The following MIPOL1 variants were observed in gnomAD, a reference collection of about 807,000 sequenced individuals.
MIPOL1 encodes mirror-image polydactyly gene 1 protein.
A neutral mutation model predicts 60.9 loss-of-function variants in MIPOL1; 57 were observed. That is an observed-to-expected ratio of 0.94 (90% CI 0.76 to 1.17). The LOEUF is 1.17. Ranked by LOEUF, MIPOL1 falls within the 50% of genes most tolerant of loss-of-function variation. The pLI, the probability that MIPOL1 is intolerant of heterozygous loss-of-function variation, is 0.00. For missense variants in MIPOL1, 551 were observed against 511.6 expected, an observed-to-expected ratio of 1.08 and a Z score of -0.74; for synonymous variants, 179 against 168.8, an observed-to-expected ratio of 1.06 and a Z score of -0.47.
chr14:37,270,477 G>GA lies in MIPOL1; in HGVS notation c.447dup (p.Leu150ThrfsTer9). On this transcript the variant is annotated frameshift_variant, in exon 6 of 13. Coordinates refer to ENST00000684589, the MANE Select transcript of MIPOL1 (RefSeq NM_001388067.1). LOFTEE classifies it high-confidence loss of function. Reference sequence around the variant, plus strand: ...ACAGAGAAAACTAAAGTTTAAGCTGGAACTCCAAGAGAAAGAAACAGAAGC... The same window carrying GA: ...ACAGAGAAAACTAAAGTTTAAGCTGGAAACTCCAAGAGAAAGAAACAGAAGC... The GA allele has an allele frequency of 6.2e-7, 1 of 1,601,454 alleles. No individual in the cohort carries two copies. The highest frequency in any genetic ancestry group is 8.5e-7 in the Non-Finnish European group (1 of 1,173,480).
chr14:37,398,458 A>C (rs1042869693), intron 10 of MIPOL1, among the ~76,000 whole-genome samples: 4 of 152,110 alleles, frequency 2.6e-5, no homozygotes, highest in African/African-American at 9.7e-5. Context: ...TGCTGTGTCC[A>C]TCCGAGTAGG....
chr14:37,336,074 A>G (rs901522026), intron 9 of MIPOL1, among the ~76,000 whole-genome samples: 1 of 143,742 alleles, frequency 7.0e-6, no homozygotes, highest in African/African-American at 2.5e-5. Flanking sequence ...TAATATTTGT[A>G]TATGGTATAA....
intron 10 of MIPOL1, among the ~76,000 whole-genome samples, chr14:37,394,777 C>T (rs1035391868): frequency 2.6e-5 from 4 of 152,050 alleles, no homozygotes; most frequent in African/African-American, 9.7e-5. Flanking sequence ...AATTAAGTCC[C>T]AACTATTTAT....
At chr14:37,479,659 A>G (rs1359857019) in intron 11 of MIPOL1, among the ~76,000 whole-genome samples, 1 of 152,094 alleles carries the variant, frequency 6.6e-6, no homozygotes, top group Non-Finnish European at 1.5e-5. Context: ...CTAAGCCCAA[A>G]ATTAGCAGAA....
At chr14:37,474,980 T>C (rs1417504519) in intron 11 of MIPOL1, among the ~76,000 whole-genome samples, 1 of 152,110 alleles carries the variant, frequency 6.6e-6, no homozygotes, top group Non-Finnish European at 1.5e-5. Flanking sequence ...TTTTTATTTT[T>C]TTTTGAGACA....
intron 3 of MIPOL1, among the ~76,000 whole-genome samples, chr14:37,248,605 A>G (rs1973571836): frequency 1.3e-5 from 2 of 152,008 alleles, no homozygotes; most frequent in Non-Finnish European, 2.9e-5. Flanking sequence ...AGCGAAAGAG[A>G]CAAGATACAG....
chr14:37,490,284 T>C (rs568465144), intron 11 of MIPOL1, among the ~76,000 whole-genome samples: 13 of 152,274 alleles, frequency 8.5e-5, no homozygotes, highest in African/African-American at 2.9e-4. Context: ...GCCTCGGCAA[T>C]GGTGAACCCC....
At chr14:37,356,421 G>A (rs2091831813) in intron 9 of MIPOL1, among the ~76,000 whole-genome samples, 3 of 152,166 alleles carry the variant, frequency 2.0e-5, no homozygotes, top group Admixed American at 2.0e-4. Flanking sequence ...TCCTTGAGCT[G>A]TGGTGGGCTC....
intron 1 of MIPOL1, among the ~76,000 whole-genome samples, chr14:37,233,744 C>A (rs2153322163): frequency 6.6e-6 from 1 of 152,242 alleles, no homozygotes; most frequent in South Asian, 2.1e-4. Context: ...GGGGAGGAGG[C>A]CTCTCTGGTG....
chr14:37,433,234 T>A (rs190805266), intron 11 of MIPOL1, among the ~76,000 whole-genome samples: 1,556 of 152,038 alleles, frequency 0.01, 27 homozygotes, highest in African/African-American at 0.034. Flanking sequence ...TTTTTTTTTT[T>A]AATTATACTT....
intron 12 of MIPOL1, among the ~76,000 whole-genome samples, chr14:37,540,544 G>A (rs1284827868): frequency 1.3e-5 from 2 of 152,098 alleles, no homozygotes; most frequent in Non-Finnish European, 2.9e-5. Context: ...GCTTCTGCAT[G>A]GAGGAATGGG....
chr14:37,500,285 G>T, intron 12 of MIPOL1, 147 bp downstream of exon 12: 1 of 646,650 alleles, frequency 1.5e-6, no homozygotes, highest in Non-Finnish European at 2.6e-6. Flanking sequence ...TTTTAGATTG[G>T]ATACCATATG....
chr14:37,267,375 C>G (rs2082958324), intron 4 of MIPOL1, among the ~76,000 whole-genome samples: 1 of 152,058 alleles, frequency 6.6e-6, no homozygotes, highest in Non-Finnish European at 1.5e-5. Context: ...GTAATCCCAG[C>G]TACTCAGGAG....
chr14:37,336,653 G>A (rs184226778), intron 9 of MIPOL1, among the ~76,000 whole-genome samples: 1 of 151,742 alleles, frequency 6.6e-6, no homozygotes, highest in Non-Finnish European at 1.5e-5. Context: ...GATAATTCCA[G>A]TATCCCTGCC....
intron 9 of MIPOL1, among the ~76,000 whole-genome samples, chr14:37,318,031 C>T (rs6571805): frequency 0.94 from 143,575 of 152,256 alleles, 68,079 homozygotes; most frequent in East Asian, 1. Context: ...CTAGAACTTT[C>T]CTAGCCTGGT....
intron 10 of MIPOL1, among the ~76,000 whole-genome samples, chr14:37,416,277 T>G (rs1350336504): frequency 6.6e-6 from 1 of 152,196 alleles, no homozygotes; most frequent in Non-Finnish European, 1.5e-5. Flanking sequence ...TCCTATGACA[T>G]ACAGTAAAAG....
chr14:37,310,705 G>T (rs532003554), intron 9 of MIPOL1, among the ~76,000 whole-genome samples: 2 of 152,112 alleles, frequency 1.3e-5, no homozygotes, highest in Non-Finnish European at 2.9e-5. Flanking sequence ...GGAAGTTTTG[G>T]TAAGTCTTGG....
chr14:37,392,779 A>T (rs2093280036), intron 10 of MIPOL1, among the ~76,000 whole-genome samples: 2 of 152,146 alleles, frequency 1.3e-5, no homozygotes, highest in Non-Finnish European at 2.9e-5. Context: ...TTGGGCACAA[A>T]GGTAATTTGA....
intron 9 of MIPOL1, among the ~76,000 whole-genome samples, chr14:37,343,547 G>C (rs142109905): frequency 0.015 from 2,328 of 152,260 alleles, 52 homozygotes; most frequent in African/African-American, 0.053. Flanking sequence ...TCACATCCAA[G>C]TGGGAAGATG....
Sources: allele counts gnomAD v4.1 joint callset (sites outside exome capture counted in the v4.1 genomes callset), GRCh38; gene constraint gnomAD v4.1.1; transcripts MANE v1.5; gene names NCBI Gene and HGNC (gene_info 2026-07-23, HGNC 2026-07-21).